Variants in ITGB6 observed in about 807,000 individuals in gnomAD.
ITGB6 encodes the protein integrin beta-6.
In ITGB6, 80 loss-of-function variants were observed where a neutral mutation model predicts 84.5. That is an observed-to-expected ratio of 0.95 (90% CI 0.79 to 1.14). The LOEUF (loss-of-function observed/expected upper bound fraction) is 1.14, where lower values mean the gene tolerates loss of function less well. Among genes scored for constraint, ITGB6 ranks in the 50% most tolerant of loss-of-function variants. The pLI is 0.00. For synonymous variants in ITGB6, 383 were observed against 354.9 expected (o/e 1.08, Z -0.89); for missense variants, 1,006 against 968.0 (o/e 1.04, Z -0.52).
Position 160,137,811 on chromosome 2 carries a change from C to T in ITGB6, c.1283G>A (p.Arg428Lys), listed in dbSNP as rs950615749. Residue 428 changes from arginine to lysine, a missense_variant, in exon 10 of 15, where the codon AGA becomes AAA. By Grantham distance (26) the Arg-to-Lys change is conservative (BLOSUM62 2). Coordinates refer to ENST00000283249, the MANE Select transcript of ITGB6 (RefSeq NM_000888.5). ...CTTTATGATAATGTGCCTGCTTCTT[C>T]TCTCGCAGTGTGGGATATTCACAGT... ...SVTVNIPHCERRSRHIIIKPV... is the reference protein window; with the variant it reads ...SVTVNIPHCEKRSRHIIIKPV... 4 of 1,614,042 alleles carry T rather than the reference C, an allele frequency of 2.5e-6. No homozygotes were observed. The African/African-American group carries it at 5.3e-5, about 22-fold the overall frequency.
At chr2:160,109,718 G>A (rs1226682343) in intron 13 of ITGB6, among the ~76,000 whole-genome samples, 1 of 152,202 alleles carries the variant, frequency 6.6e-6, no homozygotes, top group Non-Finnish European at 1.5e-5. Context: ...CTCTATCACT[G>A]TGGGCAATGT....
intron 2 of ITGB6, among the ~76,000 whole-genome samples, chr2:160,198,281 CTT>C (rs1345927038): frequency 6.6e-6 from 1 of 152,160 alleles, no homozygotes; most frequent in Non-Finnish European, 1.5e-5. Flanking sequence ...TCTGTGCTCT[CTT>C]GTCTGTGAGG....
At chr2:160,136,307 T>C (rs1341877365) in intron 10 of ITGB6, among the ~76,000 whole-genome samples, 4 of 152,154 alleles carry the variant, frequency 2.6e-5, no homozygotes, top group African/African-American at 7.2e-5. Context: ...AAAATGCTCA[T>C]CATCACTGGC....
chr2:160,153,557 G>A lies in ITGB6; in HGVS notation c.1018-11486C>T, dbSNP rs540834201. 2.0e-5 allele frequency among the ~76,000 whole-genome samples: 3 copies of A among 152,264 alleles called. No individual in the cohort carries two copies. The South Asian group carries it at 6.2e-4, about 32-fold the overall frequency. ...GGACTTCATGACTAAAACACCAAAAGCAATGGCAACAAAAGCCAAAACTGA... is the reference window on the plus strand; with the variant it reads ...GGACTTCATGACTAAAACACCAAAAACAATGGCAACAAAAGCCAAAACTGA... On this transcript the variant is annotated intron_variant, in intron 7 of 14. Coordinates refer to ENST00000283249, the MANE Select transcript of ITGB6 (RefSeq NM_000888.5).
Position 160,171,325 on chromosome 2 carries a change from A to ATCTATTTT in ITGB6, c.921+1243_921+1244insAAAATAGA, listed in dbSNP as rs1414747829. Among the ~76,000 whole-genome samples the ATCTATTTT allele has an allele frequency of 6.3e-5, 8 of 126,004 alleles. 2 individuals are homozygous for ATCTATTTT. Among genetic ancestry groups the ATCTATTTT allele is most frequent in the Non-Finnish European group, 7.3e-5 (4 of 54,858 alleles). The allele number at this position is 126,004 out of a possible 152,430, so 82.7% of individuals were successfully genotyped here. Reference sequence around the variant, plus strand: ...CTCAGACTGCTGCTTCAGAAATCAAATTTATTTTTTTATTTTTTTTTTTTT... The same window carrying ATCTATTTT: ...CTCAGACTGCTGCTTCAGAAATCAAATCTATTTTTTTATTTTTTTATTTTTTTTTTTTT... On this transcript the variant is annotated intron_variant, in intron 6 of 14. Coordinates refer to ENST00000283249, the MANE Select transcript of ITGB6 (RefSeq NM_000888.5).
chr2:160,121,955 G>T (rs1316220763), intron 12 of ITGB6, among the ~76,000 whole-genome samples: 2 of 151,088 alleles, frequency 1.3e-5, no homozygotes, highest in Non-Finnish European at 2.9e-5. Flanking sequence ...TCTTGTTGGG[G>T]GAAGGGTAGG....
chr2:160,166,935 A>G (rs978597656), intron 7 of ITGB6, among the ~76,000 whole-genome samples: 27 of 152,234 alleles, frequency 1.8e-4, no homozygotes, highest in African/African-American at 6.3e-4. Flanking sequence ...TTTTTCCTGC[A>G]TTCCATGAGT....
At chr2:160,142,620 G>T (rs1684041240) in intron 7 of ITGB6, among the ~76,000 whole-genome samples, 1 of 152,178 alleles carries the variant, frequency 6.6e-6, no homozygotes, top group South Asian at 2.1e-4. Flanking sequence ...TCCCTTTCAG[G>T]ATGCTAGCAC....
At chr2:160,170,666 G>C (rs556100292) in intron 6 of ITGB6, among the ~76,000 whole-genome samples, 2 of 152,244 alleles carry the variant, frequency 1.3e-5, no homozygotes, top group South Asian at 4.1e-4. Context: ...TTATTTTTTG[G>C]CCTGAGGAAT....
chr2:160,154,364 A>C (rs1054520391), intron 7 of ITGB6, among the ~76,000 whole-genome samples: 1 of 145,654 alleles, frequency 6.9e-6, no homozygotes, highest in Admixed American at 6.8e-5. Context: ...GTTATCACTC[A>C]TAGGTGGGAA....
chr2:160,116,728 G>A (rs1265371140), intron 12 of ITGB6, among the ~76,000 whole-genome samples: 3 of 151,996 alleles, frequency 2.0e-5, no homozygotes, highest in Admixed American at 2.0e-4. Flanking sequence ...CAAATTGGAT[G>A]AAGACTCAAG....
intron 3 of ITGB6, 47 bp downstream of exon 3, chr2:160,196,169 C>A (rs1036107822): frequency 1.4e-6 from 2 of 1,458,202 alleles, no homozygotes; most frequent in African/African-American, 2.8e-5. Context: ...AGCAGAATTA[C>A]CATATATGAC....
At chr2:160,168,129 GC>G (rs1442907745) in intron 7 of ITGB6, among the ~76,000 whole-genome samples, 1 of 152,212 alleles carries the variant, frequency 6.6e-6, no homozygotes, top group Non-Finnish European at 1.5e-5. Context: ...GAGCTTGATT[GC>G]AAGGAACTTC....
At position 160,101,665 on chromosome 2, in the gene ITGB6, G is replaced by T; in HGVS notation, c.*71C>A. ...ACCAACCTCATTTTGAAGCAACAAA[G>T]AGAAAAAAATTAAATAGTGCATTAA... On this transcript the variant is annotated 3_prime_UTR_variant, in exon 15 of 15. Transcript: ENST00000283249. The T allele has an allele frequency of 1.1e-6, 1 of 873,852 alleles. No individual in the cohort carries two copies. The highest frequency in any genetic ancestry group is 1.9e-6 in the Non-Finnish European group (1 of 521,300). 54.1% of individuals were successfully genotyped at this position (873,852 alleles called of 1,614,324 possible).
chr2:160,129,598 T>C (rs953941418), intron 10 of ITGB6, among the ~76,000 whole-genome samples: 8 of 152,098 alleles, frequency 5.3e-5, no homozygotes, highest in Non-Finnish European at 7.4e-5. Context: ...AAATTATCTA[T>C]CAATATTAAA....
intron 4 of ITGB6, among the ~76,000 whole-genome samples, chr2:160,185,140 C>A (rs1262188808): frequency 6.6e-6 from 1 of 152,104 alleles, no homozygotes; most frequent in Non-Finnish European, 1.5e-5. Flanking sequence ...GGCAATCAGG[C>A]AAGGGAAAGA....
At chr2:160,128,408 T>C (rs1683322250) in intron 10 of ITGB6, among the ~76,000 whole-genome samples, 1 of 151,958 alleles carries the variant, frequency 6.6e-6, no homozygotes, top group South Asian at 2.1e-4. Context: ...ATGGAAAGGA[T>C]AACAAAAAGT....
At chr2:160,101,873 T>C (rs1461513340) in intron 14 of ITGB6, 39 bp from the exon 15 acceptor site, 4 of 1,258,036 alleles carry the variant, frequency 3.2e-6, no homozygotes, top group Non-Finnish European at 3.5e-6. Flanking sequence ...AGTATGTATA[T>C]TTTGTTTTTA....
intron 12 of ITGB6, 116 bp from the exon 13 acceptor site, chr2:160,112,315 A>G: frequency 1.0e-6 from 1 of 971,786 alleles, no homozygotes; most frequent in Non-Finnish European, 1.5e-6. Flanking sequence ...TTGCAGAATG[A>G]GAATAGGAGA....
Sources: gnomAD v4.1 joint callset for allele counts (sites outside exome capture counted in the v4.1 genomes callset) on GRCh38, gnomAD v4.1.1 for gene constraint, MANE v1.5 for transcripts, NCBI Gene and HGNC (gene_info 2026-07-23, HGNC 2026-07-21) for gene names.